Variants in TSC22D3 observed in about 807,000 individuals in gnomAD.
TSC22D3 encodes TSC22 domain family member 3.
A neutral mutation model predicts 11.1 loss-of-function variants in TSC22D3; 4 were observed. The observed-to-expected ratio is 0.36, with a 90% CI of 0.18 to 0.83. The LOEUF is 0.83. TSC22D3 is among the 40% of genes least tolerant of loss of function. The probability of loss-of-function intolerance (pLI) is 0.48; values close to 1 mark genes in which losing one functional copy is unlikely to be tolerated. For missense variants in TSC22D3, 118 were observed against 159.4 expected, an observed-to-expected ratio of 0.74 and a Z score of 1.40; for synonymous variants, 77 against 70.3, an observed-to-expected ratio of 1.10 and a Z score of -0.48.
intron 1 of TSC22D3, among the ~76,000 whole-genome samples, chrX:107,739,866 A>C (rs926462333): frequency 3.6e-5 from 4 of 112,292 alleles, no homozygotes; most frequent in Admixed American, 1.9e-4. Flanking sequence ...TGATCTGTCT[A>C]TGGTTGATCA....
At chrX:107,736,865 G>T (rs753779822) in intron 1 of TSC22D3, among the ~76,000 whole-genome samples, 50 of 111,385 alleles carry the variant, frequency 4.5e-4, no homozygotes, top group African/African-American at 1.6e-3. Context: ...GCCCAATTTG[G>T]CCTTGCTGAG....
intron 1 of TSC22D3, among the ~76,000 whole-genome samples, chrX:107,730,306 T>G (rs1340415199): frequency 8.9e-6 from 1 of 111,846 alleles, no homozygotes; most frequent in Non-Finnish European, 1.9e-5. Context: ...GGAGTTGTGC[T>G]TTGTTTTGAG....
At chrX:107,758,189 T>C (rs1179245636) in intron 1 of TSC22D3, among the ~76,000 whole-genome samples, 1 of 109,675 alleles carries the variant, frequency 9.1e-6, no homozygotes, top group Non-Finnish European at 1.9e-5. Flanking sequence ...TCTGGACAGG[T>C]GGAGGGAGGT....
At chrX:107,745,135 C>T (rs1928594540) in intron 1 of TSC22D3, among the ~76,000 whole-genome samples, 1 of 112,068 alleles carries the variant, frequency 8.9e-6, no homozygotes, top group Non-Finnish European at 1.9e-5. Flanking sequence ...TAACCACCCC[C>T]TCCCTGTCCC....
chrX:107,715,029 G>A (rs1926937124), intron 2 of TSC22D3, among the ~76,000 whole-genome samples: 1 of 112,032 alleles, frequency 8.9e-6, no homozygotes, highest in African/African-American at 3.3e-5. Context: ...GACTTTCAAA[G>A]CTGGCTGCTG....
chrX:107,715,782 G>T, intron 2 of TSC22D3, 117 bp downstream of exon 2: 2 of 898,305 alleles, frequency 2.2e-6, no homozygotes, highest in Non-Finnish European at 3.2e-6. Flanking sequence ...GAGGCAGGCT[G>T]TCGGCTTCCT....
intron 1 of TSC22D3, chrX:107,722,076 A>G: frequency 5.7e-6 from 2 of 349,752 alleles, no homozygotes; most frequent in Non-Finnish European, 1.0e-5. Flanking sequence ...AGACAGAGAA[A>G]GAGAAAGTGC....
intron 1 of TSC22D3, among the ~76,000 whole-genome samples, chrX:107,772,607 G>C (rs1929952900): frequency 9.0e-6 from 1 of 111,328 alleles, no homozygotes. Context: ...GGCACTTTGG[G>C]AGGCTGAGGT....
intron 1 of TSC22D3, among the ~76,000 whole-genome samples, chrX:107,717,796 A>G (rs1261183280): frequency 8.9e-6 from 1 of 112,023 alleles, no homozygotes; most frequent in Non-Finnish European, 1.9e-5. Context: ...GTGACAGAGG[A>G]GGTGAGGAGG....
chrX:107,768,405 A>G (rs957924303), intron 1 of TSC22D3, among the ~76,000 whole-genome samples: 11 of 112,541 alleles, frequency 9.8e-5, no homozygotes, highest in Non-Finnish European at 1.9e-4. Context: ...AAGTGCAAAT[A>G]TAAGCAGGAG....
Position 107,775,575 on chromosome X carries a change from C to T in TSC22D3, c.-156G>A. On this transcript the variant is annotated 5_prime_UTR_variant, in exon 1 of 3. Coordinates refer to ENST00000372383, the MANE Select transcript of TSC22D3 (RefSeq NM_198057.3). ...AGCGCCTAAAGCCAGCCACCTTCGG[C>T]TCGGCCCCCTTCTGGCTGTACTGCT... is the stretch of plus-strand genomic sequence containing the variant. 1 of 441,218 alleles carries T rather than the reference C, an allele frequency of 2.3e-6. No individual in the cohort carries two copies. 36.4% of individuals were successfully genotyped at this position (441,218 alleles called of 1,213,427 possible).
At chrX:107,745,894 A>C (rs1044313711) in intron 1 of TSC22D3, among the ~76,000 whole-genome samples, 15 of 112,619 alleles carry the variant, frequency 1.3e-4, no homozygotes, top group African/African-American at 4.8e-4. Flanking sequence ...ATTTTCACAG[A>C]ATAAGAGTTC....
At chrX:107,715,119 C>T (rs1001441963) in intron 2 of TSC22D3, among the ~76,000 whole-genome samples, 9 of 111,866 alleles carry the variant, frequency 8.0e-5, no homozygotes, top group African/African-American at 2.6e-4. Context: ...CTACTGCTGC[C>T]GATCCAGATC....
intron 1 of TSC22D3, among the ~76,000 whole-genome samples, chrX:107,731,106 A>G: frequency 8.9e-6 from 1 of 112,760 alleles, no homozygotes. Context: ...ATTTCAGTCA[A>G]TGCTATAACT....
At chrX:107,759,169 C>T (rs1929317591) in intron 1 of TSC22D3, among the ~76,000 whole-genome samples, 1 of 111,513 alleles carries the variant, frequency 9.0e-6, no homozygotes, top group South Asian at 3.8e-4. Context: ...CCCGGCCCAT[C>T]CTTGAGTTTT....
intron 1 of TSC22D3, among the ~76,000 whole-genome samples, chrX:107,760,683 T>C (rs73249861): frequency 2.0e-4 from 22 of 112,770 alleles, no homozygotes; most frequent in Non-Finnish European, 3.4e-4. Context: ...CCCATTGTCC[T>C]CTGAGATCTT....
intron 1 of TSC22D3, among the ~76,000 whole-genome samples, chrX:107,759,481 G>T (rs1180675053): frequency 8.9e-6 from 1 of 112,061 alleles, no homozygotes; most frequent in East Asian, 2.8e-4. Flanking sequence ...CCACAGAAGG[G>T]CAGGAGTTAC....
At chrX:107,754,002 G>A (rs1316380543) in intron 1 of TSC22D3, among the ~76,000 whole-genome samples, 5 of 107,423 alleles carry the variant, frequency 4.7e-5, no homozygotes, top group Non-Finnish European at 5.8e-5. Context: ...TGCAACCTCC[G>A]CCTCCCAGGT....
At chrX:107,735,484 G>A (rs1602381323) in intron 1 of TSC22D3, among the ~76,000 whole-genome samples, 2 of 111,400 alleles carry the variant, frequency 1.8e-5, no homozygotes, top group South Asian at 7.6e-4. Flanking sequence ...CAATTTGAAA[G>A]CATTTCAGCT....
Sources: allele counts gnomAD v4.1 joint callset (sites outside exome capture counted in the v4.1 genomes callset), GRCh38; gene constraint gnomAD v4.1.1; transcripts MANE v1.5; gene names NCBI Gene and HGNC (gene_info 2026-07-23, HGNC 2026-07-21).